Variants in EIF4E3 observed in about 807,000 individuals in gnomAD.
EIF4E3 encodes the protein eukaryotic translation initiation factor 4E type 3.
Under a neutral mutation model 31.7 loss-of-function variants are expected in EIF4E3, and 26 were observed. That is an observed-to-expected ratio of 0.82 (90% CI 0.60 to 1.14). The LOEUF (loss-of-function observed/expected upper bound fraction) is 1.14, where lower values mean the gene tolerates loss of function less well. Ranked by LOEUF, EIF4E3 falls within the 50% of genes most tolerant of loss-of-function variation. EIF4E3 has a pLI of 0.00. For missense variants in EIF4E3, 304 were observed against 270.9 expected, an observed-to-expected ratio of 1.12 and a Z score of -0.86; for synonymous variants, 128 against 107.7, an observed-to-expected ratio of 1.19 and a Z score of -1.17.
upstream of EIF4E3, chr3:71,754,266 C>G (rs1578399670): frequency 2.4e-6 from 3 of 1,227,150 alleles, no homozygotes; most frequent in Non-Finnish European, 3.1e-6. The surrounding 1 kb of genome is among the most constrained non-coding windows in gnomAD (Gnocchi z 5.8). Context: ...CGCCTGCCTC[C>G]CGGCCGTCAT....
chr3:71,667,070 T>C, the EIF4E3 span, among the ~76,000 whole-genome samples: 47 of 152,342 alleles, frequency 3.1e-4, no homozygotes, highest in Non-Finnish European at 4.9e-4. Context: ...CAAGTTGGCT[T>C]CATCCCTGGG....
At chr3:71,719,515 T>C (rs1254350149) in intron 1 of EIF4E3, among the ~76,000 whole-genome samples, 1 of 150,784 alleles carries the variant, frequency 6.6e-6, no homozygotes, top group East Asian at 1.9e-4. Flanking sequence ...CAGCTGTATA[T>C]GATGGCTCAC....
chr3:71,693,637 A>G (rs1176451821), intron 5 of EIF4E3, among the ~76,000 whole-genome samples: 1 of 152,228 alleles, frequency 6.6e-6, no homozygotes, highest in Non-Finnish European at 1.5e-5. Flanking sequence ...AATATACATG[A>G]ATATATACAT....
chr3:71,671,985 G>T (rs2048849392), downstream of EIF4E3, among the ~76,000 whole-genome samples: 1 of 152,112 alleles, frequency 6.6e-6, no homozygotes, highest in Non-Finnish European at 1.5e-5. Context: ...TGCTAAGAGG[G>T]TTTTGCATTG....
rs1304552873 is a variant in EIF4E3 at position 71,725,272 on chromosome 3, GAGCGGCGGCTCGGGGGCGGCGGC to G, written c.73_95del (p.Ala25ArgfsTer11). ...GCAGCGCCGACAGCTGCTGCAGGCC[GAGCGGCGGCTCGGGGGCGGCGGC>G]AGCGGCGGCGGCGCGGGACCCCGGC... On this transcript the variant is annotated frameshift_variant, in exon 1 of 7. Coordinates refer to ENST00000425534, the MANE Select transcript of EIF4E3 (RefSeq NM_001134651.2). LOFTEE classifies it high-confidence loss of function. The surrounding 1 kb of genome is among the most constrained non-coding windows in gnomAD (Gnocchi z 6.1). The G allele has an allele frequency of 1.9e-6, 2 of 1,029,072 alleles. No homozygotes were observed. The highest frequency in any genetic ancestry group is 2.3e-6 in the Non-Finnish European group (2 of 860,792). 63.7% of individuals were successfully genotyped at this position (1,029,072 alleles called of 1,614,324 possible).
At chr3:71,722,099 G>C (rs1016635010) in intron 1 of EIF4E3, among the ~76,000 whole-genome samples, 3 of 151,838 alleles carry the variant, frequency 2.0e-5, no homozygotes, top group Non-Finnish European at 4.4e-5. Context: ...TCCTCGGGGG[G>C]GCGGGGGTGG....
intron 1 of EIF4E3, among the ~76,000 whole-genome samples, chr3:71,742,544 T>C (rs1478628464): frequency 1.3e-5 from 2 of 151,940 alleles, no homozygotes; most frequent in Non-Finnish European, 2.9e-5. Context: ...ACAAGTAAAT[T>C]CTACCAAACA....
downstream of EIF4E3, among the ~76,000 whole-genome samples, chr3:71,672,499 G>T (rs1036626325): frequency 2.6e-5 from 4 of 152,202 alleles, no homozygotes; most frequent in African/African-American, 9.6e-5. Context: ...CAGGGAGGAA[G>T]ATGGCTCTCA....
upstream of EIF4E3, among the ~76,000 whole-genome samples, chr3:71,730,234 G>A (rs546542673): frequency 1.3e-3 from 205 of 152,276 alleles, 1 homozygote; most frequent in Middle Eastern, 3.4e-3. Flanking sequence ...GATTGCTTCA[G>A]AGTGAGACTG....
At chr3:71,694,345 T>C (rs993688854) in intron 4 of EIF4E3, among the ~76,000 whole-genome samples, 18 of 152,244 alleles carry the variant, frequency 1.2e-4, no homozygotes, top group Admixed American at 1.2e-3. Context: ...ATCCTTTCTC[T>C]GTTTTTCTTA....
chr3:71,714,242 A>AAAGGAAGG lies in EIF4E3; in HGVS notation c.177-3766_177-3759dup, dbSNP rs751022382. Among the ~76,000 whole-genome samples the AAAGGAAGG allele has an allele frequency of 1.6e-3, 209 of 132,010 alleles. 2 individuals are homozygous for AAAGGAAGG. Among genetic ancestry groups the AAAGGAAGG allele is most frequent in the Middle Eastern group, 3.5e-3 (1 of 288 alleles). The allele number at this position is 132,010 out of a possible 152,430, so 86.6% of individuals were successfully genotyped here. On this transcript the variant is annotated intron_variant, in intron 1 of 6. Coordinates refer to ENST00000425534, the MANE Select transcript of EIF4E3 (RefSeq NM_001134651.2). ...AAAAGAAAGAAAGAAGGGAAGAAGG[A>AAAGGAAGG]AAGGAAGGAAGGAAGGAAGGAAGGA...
chr3:71,752,277 C>A (rs2049937294), intron 1 of EIF4E3, among the ~76,000 whole-genome samples: 2 of 152,178 alleles, frequency 1.3e-5, no homozygotes, highest in Non-Finnish European at 1.5e-5. Context: ...GTGATTTCTG[C>A]ACATAGTGAA....
At chr3:71,738,596 T>C (rs1214074906) in intron 1 of EIF4E3, among the ~76,000 whole-genome samples, 1 of 151,868 alleles carries the variant, frequency 6.6e-6, no homozygotes, top group African/African-American at 2.4e-5. Flanking sequence ...GAATCAACCC[T>C]CCAGGAAGAC....
chr3:71,718,556 C>A (rs549581541), intron 1 of EIF4E3, among the ~76,000 whole-genome samples: 2 of 152,134 alleles, frequency 1.3e-5, no homozygotes, highest in African/African-American at 4.8e-5. Flanking sequence ...TAAGAGTTTA[C>A]GACAAAATTA....
At chr3:71,710,287 C>A (rs1254961470) in intron 2 of EIF4E3, 125 bp downstream of exon 2, 2 of 1,099,668 alleles carry the variant, frequency 1.8e-6, no homozygotes, top group African/African-American at 1.6e-5. Context: ...CAACCTGGAC[C>A]CGAGAGCCAA....
intron 1 of EIF4E3, among the ~76,000 whole-genome samples, chr3:71,716,697 G>A (rs141896505): frequency 6.6e-6 from 1 of 152,270 alleles, no homozygotes; most frequent in Non-Finnish European, 1.5e-5. Flanking sequence ...TAAATCTGAA[G>A]GTGGTAAGGT....
At chr3:71,727,665 T>C (rs1461059556), upstream of EIF4E3, among the ~76,000 whole-genome samples, 2 of 152,250 alleles carry the variant, frequency 1.3e-5, no homozygotes, top group Non-Finnish European at 2.9e-5. Flanking sequence ...AGTGGTTACA[T>C]GAATTTATAT....
chr3:71,694,024 T>C, intron 4 of EIF4E3, 83 bp from the exon 5 acceptor site: 1 of 1,360,222 alleles, frequency 7.4e-7, no homozygotes, highest in Non-Finnish European at 9.8e-7. Context: ...AAACAAATTA[T>C]GTTTTCTTCA....
chr3:71,666,778 A>C, the EIF4E3 span, among the ~76,000 whole-genome samples: 2 of 152,072 alleles, frequency 1.3e-5, no homozygotes, highest in African/African-American at 2.4e-5. Flanking sequence ...CTCTACTAAA[A>C]ATACAAAAAA....
Sources: allele counts gnomAD v4.1 joint callset (sites outside exome capture counted in the v4.1 genomes callset), GRCh38; gene constraint gnomAD v4.1.1; non-coding constraint Gnocchi (gnomAD v3.1); transcripts MANE v1.5; gene names NCBI Gene and HGNC (gene_info 2026-07-23, HGNC 2026-07-21).